WASF3: variants seen among roughly 807,000 people sequenced by gnomAD.
WASF3 encodes WASP family member 3, also known as actin-binding protein WASF3.
Under a neutral mutation model 46.6 loss-of-function variants are expected in WASF3, and 11 were observed. The observed-to-expected ratio is 0.24, with a 90% CI of 0.15 to 0.39. WASF3 has a LOEUF of 0.39. Among genes scored for constraint, WASF3 ranks in the 10% least tolerant of loss-of-function variants. The pLI, the probability that WASF3 is intolerant of heterozygous loss-of-function variation, is 1.00. For missense variants in WASF3, 576 were observed against 669.8 expected (o/e 0.86, Z 1.55); for synonymous variants, 242 against 259.7 (o/e 0.93, Z 0.65).
At position 26,609,939 on chromosome 13, in the gene WASF3, A is replaced by G. The variant is rs570086857; in HGVS notation, c.-108-3022A>G. Among the ~76,000 whole-genome samples, 10 of 152,356 alleles carry G rather than the reference A, an allele frequency of 6.6e-5. No individual in the cohort carries two copies. In the East Asian group the frequency reaches 1.9e-3, roughly 29 times the overall value. On this transcript the variant is annotated intron_variant, in intron 1 of 9. Transcript: ENST00000335327. ...GTCCAACCTAGTAGCCACTAGCCAC[A>G]TGTTACTATTTAAATGAACATTAGT...
chr13:26,591,431 AT>A (rs1880290620), intron 1 of WASF3, among the ~76,000 whole-genome samples: 2 of 151,976 alleles, frequency 1.3e-5, no homozygotes, highest in African/African-American at 4.8e-5. Context: ...AAGCAGTAGG[AT>A]TTTGATGTAT....
rs113450293 is a variant in WASF3, at chr13:26,679,249, C to G, written c.717-1805C>G. The stretch of plus-strand genomic sequence containing the variant: ...GGGGCTCATCTCCAACAGCTGCCTG[C>G]TCCTCCCTCCTCCTCCTCCTGCCTG... On this transcript the variant is annotated intron_variant, in intron 7 of 9. Coordinates refer to ENST00000335327, the MANE Select transcript of WASF3 (RefSeq NM_006646.6). The surrounding 1 kb of genome is among the most constrained non-coding windows in gnomAD (Gnocchi z 4.8). Among the ~76,000 whole-genome samples, 2,980 of 152,222 alleles carry G rather than the reference C, an allele frequency of 0.02. 98 individuals carry two copies. The highest frequency in any genetic ancestry group is 0.068 in the African/African-American group (2,826 of 41,520).
At chr13:26,548,471 A>C in the WASF3 span, among the ~76,000 whole-genome samples, 1 of 152,098 alleles carries the variant, frequency 6.6e-6, no homozygotes, top group African/African-American at 2.4e-5. Context: ...AGAACTTTAT[A>C]ACTCATCTCC....
rs759683384 is a variant in WASF3 at position 26,685,871 on chromosome 13, G to T, written c.*26G>T. The T allele has an allele frequency of 6.2e-7, 1 of 1,603,650 alleles. No homozygotes were observed. The highest frequency in any genetic ancestry group is 1.1e-5 in the South Asian group (1 of 90,896). On this transcript the variant is annotated 3_prime_UTR_variant, in exon 10 of 10. Transcript: ENST00000335327. Reference sequence around the variant, plus strand: ...GCAAAGGCCGGCGGAGAGGCCGCGTGTGGGAGCGTGTTGAAGATTTTAAGT... The same window carrying T: ...GCAAAGGCCGGCGGAGAGGCCGCGTTTGGGAGCGTGTTGAAGATTTTAAGT...
At chr13:26,669,512 AAAT>A (rs1882868710) in intron 5 of WASF3, among the ~76,000 whole-genome samples, 1 of 88,932 alleles carries the variant, frequency 1.1e-5, no homozygotes, top group Admixed American at 1.2e-4. Context: ...ACTGAAAAAA[AAAT>A]TTTTTTTTTT....
intron 6 of WASF3, among the ~76,000 whole-genome samples, chr13:26,673,660 T>C (rs551240998): frequency 3.3e-5 from 5 of 152,350 alleles, no homozygotes; most frequent in Admixed American, 3.3e-4. Flanking sequence ...AAGGAAAAAT[T>C]AGTTTAGAAA....
chr13:26,661,866 A>G (rs1882642002), intron 3 of WASF3, among the ~76,000 whole-genome samples: 1 of 152,234 alleles, frequency 6.6e-6, no homozygotes, highest in Non-Finnish European at 1.5e-5. Flanking sequence ...TGTTAAAATG[A>G]TTGAAATCAT....
At chr13:26,633,359 C>T (rs1484924008) in intron 2 of WASF3, among the ~76,000 whole-genome samples, 3 of 151,856 alleles carry the variant, frequency 2.0e-5, no homozygotes, top group East Asian at 1.9e-4. Flanking sequence ...TGTGCCACCA[C>T]GTCCGGCTAA....
At chr13:26,551,229 G>A in the WASF3 span, among the ~76,000 whole-genome samples, 1 of 152,108 alleles carries the variant, frequency 6.6e-6, no homozygotes, top group East Asian at 1.9e-4. Flanking sequence ...CCTGTTAAGC[G>A]TGCAGAACTG....
intron 1 of WASF3, among the ~76,000 whole-genome samples, chr13:26,591,549 C>T (rs1880294802): frequency 6.6e-6 from 1 of 151,934 alleles, no homozygotes; most frequent in Admixed American, 6.6e-5. Flanking sequence ...TATGGGGTTG[C>T]CATGAACTGA....
chr13:26,583,382 C>T (rs2137172012), intron 1 of WASF3, among the ~76,000 whole-genome samples: 1 of 152,278 alleles, frequency 6.6e-6, no homozygotes, highest in Middle Eastern at 3.4e-3. Flanking sequence ...AATCCTGATT[C>T]TAGTCTAGGG....
chr13:26,675,212 T>C (rs1046517210), intron 6 of WASF3, among the ~76,000 whole-genome samples: 4 of 152,190 alleles, frequency 2.6e-5, no homozygotes, highest in African/African-American at 4.8e-5. Flanking sequence ...TCTTGTTCTT[T>C]AATGGGTTCG....
intron 1 of WASF3, among the ~76,000 whole-genome samples, chr13:26,591,205 A>C (rs116384719): frequency 1.2e-3 from 187 of 152,152 alleles, no homozygotes; most frequent in African/African-American, 4.3e-3. Context: ...GAAGCAGGTC[A>C]TGTGGCTCTC....
chr13:26,594,220 A>T (rs953988121), intron 1 of WASF3, among the ~76,000 whole-genome samples: 10 of 152,090 alleles, frequency 6.6e-5, no homozygotes, highest in Admixed American at 3.9e-4. Flanking sequence ...ATGCTCTTCT[A>T]TTCTAGTCCT....
At chr13:26,581,189 C>T (rs896924169) in intron 1 of WASF3, among the ~76,000 whole-genome samples, 3 of 152,036 alleles carry the variant, frequency 2.0e-5, no homozygotes, top group Non-Finnish European at 4.4e-5. Flanking sequence ...GTCTTGGCCT[C>T]CCAAAATGCT....
At chr13:26,637,168 A>G (rs892953527) in intron 2 of WASF3, among the ~76,000 whole-genome samples, 1 of 152,208 alleles carries the variant, frequency 6.6e-6, no homozygotes, top group East Asian at 1.9e-4. Context: ...CTTAGCATCC[A>G]GAAAGAAGAG....
At chr13:26,639,201 A>C (rs1881919623) in intron 2 of WASF3, among the ~76,000 whole-genome samples, 1 of 152,224 alleles carries the variant, frequency 6.6e-6, no homozygotes, top group South Asian at 2.1e-4. Context: ...AAGAGCTGCA[A>C]AGCCGTCTTT....
intron 6 of WASF3, 27 bp from the exon 7 acceptor site, chr13:26,676,522 T>C (rs1883072413): frequency 1.2e-6 from 2 of 1,609,582 alleles, no homozygotes; most frequent in Non-Finnish European, 1.7e-6. Flanking sequence ...TGTCTTGGCA[T>C]GCTCTCTTTC....
intron 2 of WASF3, among the ~76,000 whole-genome samples, chr13:26,618,187 T>TA (rs969834379): frequency 2.0e-5 from 3 of 152,182 alleles, no homozygotes; most frequent in East Asian, 3.8e-4. Context: ...TCCTTTTTGT[T>TA]AAAAAAATTA....
Sources: gnomAD v4.1 joint callset for allele counts (sites outside exome capture counted in the v4.1 genomes callset) on GRCh38, gnomAD v4.1.1 for gene constraint, Gnocchi (gnomAD v3.1) non-coding constraint, MANE v1.5 for transcripts, NCBI Gene and HGNC (gene_info 2026-07-23, HGNC 2026-07-21) for gene names.